FER: variants seen among roughly 807,000 people sequenced by gnomAD.
The protein encoded by FER is tyrosine-protein kinase Fer.
In FER, 63 loss-of-function variants were observed where a neutral mutation model predicts 111.0. That is an observed-to-expected ratio of 0.57 (90% CI 0.46 to 0.70). The LOEUF (loss-of-function observed/expected upper bound fraction) is 0.70. FER is among the 30% of genes least tolerant of loss of function. FER has a pLI of 0.00. For missense variants in FER, 914 were observed against 954.0 expected, an observed-to-expected ratio of 0.96 and a Z score of 0.55; for synonymous variants, 327 against 313.9, an observed-to-expected ratio of 1.04 and a Z score of -0.44.
At chr5:109,006,682 G>C (rs1462280665) in intron 13 of FER, among the ~76,000 whole-genome samples, 2 of 152,112 alleles carry the variant, frequency 1.3e-5, no homozygotes, top group Non-Finnish European at 1.5e-5. Flanking sequence ...AAAATAGGAA[G>C]GGTGGGGGGA....
At chr5:109,152,269 G>T (rs1324782673) in intron 17 of FER, among the ~76,000 whole-genome samples, 1 of 151,904 alleles carries the variant, frequency 6.6e-6, no homozygotes, top group Non-Finnish European at 1.5e-5. Context: ...AGATGGTCTA[G>T]ATTTTTTTTA....
intron 10 of FER, among the ~76,000 whole-genome samples, chr5:108,902,228 T>C (rs1750140269): frequency 6.6e-6 from 1 of 152,208 alleles, no homozygotes; most frequent in Non-Finnish European, 1.5e-5. Context: ...CATTTAGAGA[T>C]GATATCTTTG....
At chr5:109,133,881 A>G (rs921763637) in intron 17 of FER, among the ~76,000 whole-genome samples, 1 of 152,126 alleles carries the variant, frequency 6.6e-6, no homozygotes, top group African/African-American at 2.4e-5. Flanking sequence ...TTCAACTCCA[A>G]AATTTGTTCT....
chr5:108,788,007 C>T (rs972114591), intron 2 of FER, among the ~76,000 whole-genome samples: 2 of 152,176 alleles, frequency 1.3e-5, no homozygotes, highest in Non-Finnish European at 2.9e-5. Flanking sequence ...GAAACATGCC[C>T]TCCAGTCACT....
intron 16 of FER, among the ~76,000 whole-genome samples, chr5:109,050,442 A>G (rs1238728220): frequency 1.3e-5 from 2 of 152,200 alleles, no homozygotes; most frequent in East Asian, 1.9e-4. Context: ...TGCTTGTACC[A>G]ATACATGACA....
intron 13 of FER, among the ~76,000 whole-genome samples, chr5:108,999,948 A>G (rs2149776275): frequency 6.6e-6 from 1 of 152,220 alleles, no homozygotes; most frequent in African/African-American, 2.4e-5. Flanking sequence ...TACATAGCAC[A>G]CAGTAGTACA....
rs188997653 is a variant in FER at position 109,094,024 on chromosome 5, C to T, written c.1925-6372C>T. 5.9e-5 allele frequency among the ~76,000 whole-genome samples: 9 copies of T among 152,112 alleles called. No individual in the cohort carries two copies. In the East Asian group the frequency reaches 1.5e-3, roughly 26 times the overall value. On this transcript the variant is annotated intron_variant, in intron 16 of 19. Coordinates refer to ENST00000281092, the MANE Select transcript of FER (RefSeq NM_005246.4). ...CAAAGTAGGGAGAGAGGCAGACAGT[C>T]GAACTTCTTTGCCTTGGTGGCAAAC...
chr5:108,974,441 A>G (rs898830051), intron 13 of FER, among the ~76,000 whole-genome samples: 20 of 152,190 alleles, frequency 1.3e-4, no homozygotes, highest in African/African-American at 4.8e-4. Flanking sequence ...GCACATTTGA[A>G]GAACTATTTG....
chr5:109,061,738 A>C (rs1284103357), intron 16 of FER, among the ~76,000 whole-genome samples: 1 of 152,186 alleles, frequency 6.6e-6, no homozygotes, highest in African/African-American at 2.4e-5. Flanking sequence ...TCTACTGGGA[A>C]TAAAGCTGTG....
At chr5:108,809,514 A>G (rs1179116065) in intron 3 of FER, among the ~76,000 whole-genome samples, 2 of 152,022 alleles carry the variant, frequency 1.3e-5, no homozygotes, top group Non-Finnish European at 2.9e-5. Flanking sequence ...CTTGTCTTGG[A>G]TCTTGTTAAT....
At chr5:109,152,003 C>G (rs998459668) in intron 17 of FER, among the ~76,000 whole-genome samples, 1 of 152,014 alleles carries the variant, frequency 6.6e-6, no homozygotes, top group Non-Finnish European at 1.5e-5. Flanking sequence ...GACTTTCGGG[C>G]AACCGTAGCT....
chr5:108,989,447 C>T (rs1477384384), intron 13 of FER, among the ~76,000 whole-genome samples: 1 of 151,870 alleles, frequency 6.6e-6, no homozygotes. Context: ...TTAAGAAATA[C>T]TAAGTTCCAA....
chr5:108,993,617 A>AAGGGCGAGGGCGAGGGTGAGGGCG (rs1763598380), intron 13 of FER, among the ~76,000 whole-genome samples: 1 of 104,936 alleles, frequency 9.5e-6, no homozygotes, highest in African/African-American at 3.7e-5. Context: ...GGGAGAGGGC[A>AAGGGCGAGGGCGAGGGTGAGGGCG]AGGGCGAGGG....
At chr5:109,070,181 T>C (rs73213528) in intron 16 of FER, among the ~76,000 whole-genome samples, 6,660 of 151,928 alleles carry the variant, frequency 0.044, 519 homozygotes, top group African/African-American at 0.15. Context: ...AGTCCAGAAA[T>C]AGCTTTTAAA....
At chr5:109,014,006 C>T (rs1450080672) in intron 13 of FER, among the ~76,000 whole-genome samples, 9 of 151,314 alleles carry the variant, frequency 5.9e-5, no homozygotes, top group East Asian at 1.9e-4. Flanking sequence ...GAGTAGGTTG[C>T]AAAAATTTTC....
intron 5 of FER, among the ~76,000 whole-genome samples, chr5:108,862,537 ATAGT>A (rs1362018461): frequency 2.6e-5 from 4 of 152,214 alleles, no homozygotes; most frequent in Non-Finnish European, 4.4e-5. Flanking sequence ...ATTAGGAATA[ATAGT>A]TAATATAACA....
intron 13 of FER, among the ~76,000 whole-genome samples, chr5:108,990,970 A>G (rs1470519557): frequency 6.6e-6 from 1 of 151,748 alleles, no homozygotes; most frequent in African/African-American, 2.4e-5. Context: ...CTTTGTTGAG[A>G]ATTAGAATGA....
intron 8 of FER, among the ~76,000 whole-genome samples, chr5:108,881,176 G>T (rs1171015763): frequency 1.3e-5 from 2 of 152,078 alleles, no homozygotes; most frequent in African/African-American, 4.8e-5. Flanking sequence ...TATTGTATTA[G>T]TCTGTTTGGA....
At chr5:108,885,101 T>C (rs1746906855) in intron 9 of FER, among the ~76,000 whole-genome samples, 1 of 151,958 alleles carries the variant, frequency 6.6e-6, no homozygotes, top group African/African-American at 2.4e-5. Context: ...CCTGAACTTT[T>C]TCCCTAAGTG....
Sources: gnomAD v4.1 joint callset for allele counts (sites outside exome capture counted in the v4.1 genomes callset) on GRCh38, gnomAD v4.1.1 for gene constraint, MANE v1.5 for transcripts, NCBI Gene and HGNC (gene_info 2026-07-23, HGNC 2026-07-21) for gene names.